The following PRKAG2 variants were observed in gnomAD, a reference collection of about 807,000 sequenced individuals.
The protein encoded by PRKAG2 is protein kinase AMP-activated non-catalytic subunit gamma 2, also known as 5'-AMP-activated protein kinase subunit gamma-2.
PRKAG2 carries 26 observed loss-of-function variants against 69.6 expected under a neutral mutation model. That is an observed-to-expected ratio of 0.37 (90% confidence interval 0.27 to 0.52). The LOEUF (loss-of-function observed/expected upper bound fraction) is 0.52, where lower values mean the gene tolerates loss of function less well. Ranked by LOEUF, PRKAG2 falls within the 20% of genes least tolerant of loss-of-function variation. The pLI is 0.90. For synonymous variants in PRKAG2, 293 were observed against 285.0 expected (o/e 1.03, Z -0.28); for missense variants, 557 against 740.0 (o/e 0.75, Z 2.87).
intron 4 of PRKAG2, among the ~76,000 whole-genome samples, chr7:151,655,490 A>G (rs1829281008): frequency 2.0e-5 from 3 of 152,234 alleles, no homozygotes; most frequent in African/African-American, 7.2e-5. Context: ...AGGGTAGTTT[A>G]GCAATGGTAA....
intron 3 of PRKAG2, among the ~76,000 whole-genome samples, chr7:151,732,874 G>T (rs1329980524): frequency 1.3e-5 from 2 of 152,110 alleles, no homozygotes; most frequent in East Asian, 3.9e-4. Flanking sequence ...TGCATTTTTA[G>T]TAGAGACAAG....
intron 1 of PRKAG2, among the ~76,000 whole-genome samples, chr7:151,817,995 G>A (rs1438068148): frequency 1.3e-5 from 2 of 152,188 alleles, no homozygotes; most frequent in Non-Finnish European, 1.5e-5. Context: ...CACACCACAA[G>A]TTGAGAGTCC....
chr7:151,576,636 G>A (rs1809008391), intron 6 of PRKAG2, among the ~76,000 whole-genome samples, 184 bp from the exon 7 acceptor site: 1 of 152,156 alleles, frequency 6.6e-6, no homozygotes, highest in Non-Finnish European at 1.5e-5. Context: ...GAGTAGCTGG[G>A]ATGACAGGCA....
chr7:151,712,902 T>C (rs1289610178), intron 3 of PRKAG2, among the ~76,000 whole-genome samples: 1 of 152,204 alleles, frequency 6.6e-6, no homozygotes, highest in South Asian at 2.1e-4. Context: ...ATCACTCATT[T>C]TGGGTGCAGG....
intron 5 of PRKAG2, among the ~76,000 whole-genome samples, chr7:151,610,520 T>C (rs10952314): frequency 0.2 from 30,699 of 151,008 alleles, 3,979 homozygotes; most frequent in African/African-American, 0.36. Context: ...CAACTGAAAA[T>C]ACAAAAATTA....
At position 151,870,147 on chromosome 7, in the gene PRKAG2, A is replaced by AGAT. The variant is rs1349756451; in HGVS notation, c.114+6357_114+6359dup. Among the ~76,000 whole-genome samples, 90 of 132,570 alleles carry AGAT rather than the reference A, an allele frequency of 6.8e-4. 1 individual carries two copies. The highest frequency in any genetic ancestry group is 2.3e-3 in the African/African-American group (87 of 37,654). The allele number at this position is 132,570 out of a possible 152,430, so 87.0% of individuals were successfully genotyped here. ...TAGATAGATAGATAGATAGATAGAT[A>AGAT]GATAGATAGGCAGGCAGGCAGGCAG... On this transcript the variant is annotated intron_variant, in intron 1 of 15. Coordinates refer to ENST00000287878, the MANE Select transcript of PRKAG2 (RefSeq NM_016203.4).
chr7:151,827,050 C>T (rs2078917333), intron 1 of PRKAG2, among the ~76,000 whole-genome samples: 2 of 152,162 alleles, frequency 1.3e-5, no homozygotes, highest in Non-Finnish European at 2.9e-5. Flanking sequence ...TGGAACACTA[C>T]AGATAAGTCA....
chr7:151,830,414 A>G (rs2078997104), intron 1 of PRKAG2, among the ~76,000 whole-genome samples: 1 of 151,908 alleles, frequency 6.6e-6, no homozygotes, highest in Admixed American at 6.6e-5. Flanking sequence ...CAGAGAAGAG[A>G]GAGGCCGAGG....
chr7:151,789,275 C>T (rs1186771486), intron 1 of PRKAG2, among the ~76,000 whole-genome samples: 1 of 152,188 alleles, frequency 6.6e-6, no homozygotes, highest in African/African-American at 2.4e-5. Flanking sequence ...TATCGCCTCC[C>T]AATCCATAAA....
At chr7:151,641,185 G>A (rs868223796) in intron 4 of PRKAG2, among the ~76,000 whole-genome samples, 1 of 151,586 alleles carries the variant, frequency 6.6e-6, no homozygotes, top group Non-Finnish European at 1.5e-5. Context: ...CTGGCTGAGA[G>A]CTTTGCCAGC....
At position 151,814,695 on chromosome 7, in the gene PRKAG2, G is replaced by A. The variant is rs878970851; in HGVS notation, c.115-28154C>T. On this transcript the variant is annotated intron_variant, in intron 1 of 15. Coordinates refer to ENST00000287878, the MANE Select transcript of PRKAG2 (RefSeq NM_016203.4). The surrounding 1 kb of genome is among the most constrained non-coding windows in gnomAD (Gnocchi z 4.8). ...GTGTGTTCCCAGTCCCCAAGGCAGC[G>A]CAACAAGCGGCTGGCAGACAGCATG... The A allele has an allele frequency of 3.2e-5, 39 of 1,231,664 alleles. No homozygotes were observed. The highest frequency in any genetic ancestry group is 4.1e-5 in the South Asian group (1 of 24,330). 76.3% of individuals were successfully genotyped at this position (1,231,664 alleles called of 1,614,324 possible). A position where few individuals can be genotyped will look rare whatever the true frequency, so the allele number is the denominator to read the frequency against.
chr7:151,803,067 C>A (rs1394573992), intron 1 of PRKAG2, among the ~76,000 whole-genome samples: 4 of 151,868 alleles, frequency 2.6e-5, no homozygotes, highest in Non-Finnish European at 5.9e-5. Flanking sequence ...AAGTGATTCT[C>A]CTGCCTCAGC....
At chr7:151,676,011 G>T (rs1191545099) in intron 3 of PRKAG2, among the ~76,000 whole-genome samples, 1 of 152,096 alleles carries the variant, frequency 6.6e-6, no homozygotes, top group Admixed American at 6.5e-5. Flanking sequence ...TGGGAACGGG[G>T]TGCTCACACG....
intron 9 of PRKAG2, among the ~76,000 whole-genome samples, chr7:151,570,575 C>G (rs1318173344): frequency 1.3e-5 from 2 of 152,090 alleles, no homozygotes; most frequent in Non-Finnish European, 2.9e-5. Context: ...AGAAATGAAG[C>G]AATTATGAAA....
At chr7:151,723,519 G>C (rs535869055) in intron 3 of PRKAG2, among the ~76,000 whole-genome samples, 5 of 152,358 alleles carry the variant, frequency 3.3e-5, no homozygotes, top group Admixed American at 2.0e-4. Context: ...CCAAGGAGTT[G>C]AGTCTGACGG....
chr7:151,874,074 T>C (rs2080291986), intron 1 of PRKAG2, among the ~76,000 whole-genome samples: 1 of 142,758 alleles, frequency 7.0e-6, no homozygotes, highest in South Asian at 2.1e-4. Context: ...GTATATGATG[T>C]ATATGTATAT....
At chr7:151,800,961 C>T (rs995116632) in intron 1 of PRKAG2, among the ~76,000 whole-genome samples, 1 of 152,172 alleles carries the variant, frequency 6.6e-6, no homozygotes, top group African/African-American at 2.4e-5. Context: ...CAGATGGGCA[C>T]CCTCTGAACT....
intron 4 of PRKAG2, among the ~76,000 whole-genome samples, chr7:151,642,300 G>A (rs952119091): frequency 6.6e-5 from 10 of 152,066 alleles, no homozygotes; most frequent in Non-Finnish European, 7.4e-5. Context: ...CCAAGATCGC[G>A]CCACTGCACT....
intron 5 of PRKAG2, among the ~76,000 whole-genome samples, chr7:151,625,432 C>T (rs775755692): frequency 2.0e-5 from 3 of 152,052 alleles, no homozygotes; most frequent in Non-Finnish European, 2.9e-5. Flanking sequence ...GCAAGGAGGG[C>T]GTGCCGGGAA....
Sources: allele counts gnomAD v4.1 joint callset (sites outside exome capture counted in the v4.1 genomes callset), GRCh38; gene constraint gnomAD v4.1.1; non-coding constraint Gnocchi (gnomAD v3.1); transcripts MANE v1.5; gene names NCBI Gene and HGNC (gene_info 2026-07-23, HGNC 2026-07-21).